The following ALMS1 variants were observed in gnomAD, a reference collection of about 807,000 sequenced individuals.
ALMS1 encodes ALMS1 centrosome and basal body associated protein, also known as centrosome-associated protein ALMS1.
ALMS1 carries 271 observed loss-of-function variants against 352.2 expected under a neutral mutation model. The observed-to-expected ratio is 0.77, with a 90% CI of 0.70 to 0.85. The LOEUF is 0.85. Among genes scored for constraint, ALMS1 ranks in the 40% least tolerant of loss-of-function variants. ALMS1 has a pLI of 0.00. For missense variants in ALMS1, 5,445 were observed against 4,870.7 expected, an observed-to-expected ratio of 1.12 and a Z score of -3.51; for synonymous variants, 1,865 against 1,761.2, an observed-to-expected ratio of 1.06 and a Z score of -1.48.
At chr2:73,404,218 G>T (rs905009748) in intron 1 of ALMS1, among the ~76,000 whole-genome samples, 9 of 152,098 alleles carry the variant, frequency 5.9e-5, no homozygotes, top group African/African-American at 2.2e-4. Flanking sequence ...TAACAGTGTC[G>T]ATTTTAGTCT....
rs1209785116 is a variant in ALMS1, at chr2:73,450,816, C to T, written c.4289C>T (p.Ser1430Leu). The part of the protein sequence containing the change: ...GIPTLPSTFY[S>L]HTEKPGSFYQ... ...CCAACTTTACCCTCTACTTTCTACTCACACACAGAGAAGCCTGGTAGTTTC... is the reference window on the plus strand; with the variant it reads ...CCAACTTTACCCTCTACTTTCTACTTACACACAGAGAAGCCTGGTAGTTTC... The change falls in exon 8 of 23, where the codon TCA (serine) becomes TTA (leucine). Residue 1430 changes from serine to leucine, a missense_variant. Coordinates refer to ENST00000613296, the MANE Select transcript of ALMS1 (RefSeq NM_001378454.1). 1.2e-6 allele frequency: 2 copies of T among 1,613,998 alleles called. No individual in the cohort carries two copies. Among genetic ancestry groups the T allele is most frequent in the South Asian group, 2.2e-5 (2 of 91,074 alleles).
At chr2:73,466,020 C>CT (rs58731182) in intron 9 of ALMS1, among the ~76,000 whole-genome samples, 5 of 151,424 alleles carry the variant, frequency 3.3e-5, no homozygotes, top group East Asian at 3.9e-4. Context: ...AATAGGAACA[C>CT]TTTACACTGT....
chr2:73,490,716 T>G lies in ALMS1; in HGVS notation c.8757T>G (p.Pro2919=). Residue 2919 remains proline (P), a synonymous_variant, in exon 10 of 23, where the codon CCT becomes CCG. Transcript: ENST00000613296. ...QHQDYVAPDL[P]SCIFLEQREL... ...AGGATTATGTAGCTCCAGACCTTCCTTCTTGCATTTTTCTTGAACAACGAG... is the reference window on the plus strand; with the variant it reads ...AGGATTATGTAGCTCCAGACCTTCCGTCTTGCATTTTTCTTGAACAACGAG... The G allele has an allele frequency of 1.2e-6, 2 of 1,614,176 alleles. No homozygotes were observed. The highest frequency in any genetic ancestry group is 3.3e-4 in the Middle Eastern group (2 of 6,062).
rs779496090 is a variant in ALMS1, at chr2:73,450,578, A to T, written c.4051A>T (p.Ser1351Cys). ...TTTCTACCAACAGGTCTTGCCACAT[A>T]GTCATCCAACTGAAGAGGCTCTGAA... ...GVFYQQVLPH[S>C]HPTEEALKIS... The change falls in exon 8 of 23, where the codon AGT becomes TGT. Residue 1351 changes from serine to cysteine, a missense_variant. Ser to Cys is a moderately radical substitution (Grantham distance 112). Coordinates refer to ENST00000613296, the MANE Select transcript of ALMS1 (RefSeq NM_001378454.1). The T allele has an allele frequency of 1.2e-6, 2 of 1,612,078 alleles. No individual in the cohort carries two copies. The highest frequency in any genetic ancestry group is 1.7e-6 in the Non-Finnish European group (2 of 1,179,608).
chr2:73,454,036 A>G lies in ALMS1; in HGVS notation c.7509A>G (p.Ala2503=). 3 of 1,612,832 alleles carry G rather than the reference A, an allele frequency of 1.9e-6. No homozygotes were observed. The South Asian group carries it at 3.3e-5, about 18-fold the overall frequency. Residue 2503 remains alanine (A), a synonymous_variant, in exon 8 of 23, where the codon GCA becomes GCG. Coordinates refer to ENST00000613296, the MANE Select transcript of ALMS1 (RefSeq NM_001378454.1). ...LNHAKEILRN[A]EEEESRVRAH... is the part of the protein sequence containing the mutation. ...ATGCTAAAGAAATACTCAGAAATGCAGAGGAAGAGGAAAGCCGGGTACGAG... is the reference window on the plus strand; with the variant it reads ...ATGCTAAAGAAATACTCAGAAATGCGGAGGAAGAGGAAAGCCGGGTACGAG...
intron 12 of ALMS1, among the ~76,000 whole-genome samples, chr2:73,549,659 C>T (rs1161133606): frequency 6.6e-6 from 1 of 152,182 alleles, no homozygotes; most frequent in African/African-American, 2.4e-5. Context: ...TCCATTTTCT[C>T]CTTCCTCCAA....
intron 1 of ALMS1, among the ~76,000 whole-genome samples, chr2:73,389,985 C>A (rs1444979643): frequency 6.6e-6 from 1 of 152,170 alleles, no homozygotes; most frequent in African/African-American, 2.4e-5. Context: ...CCGCGCCCGG[C>A]CTCTAATCGT....
At position 73,467,013 on chromosome 2, in the gene ALMS1, A is replaced by T. The variant is rs920466788; in HGVS notation, c.7674+11718A>T. The stretch of plus-strand genomic sequence containing the variant: ...CATACCTTACTACAAAATTAATTTG[A>T]GATGGATCATAGACTTTACTTTGAA... On this transcript the variant is annotated intron_variant, in intron 9 of 22. Transcript: ENST00000613296. Among the ~76,000 whole-genome samples, 20 of 152,260 alleles carry T rather than the reference A, an allele frequency of 1.3e-4. 1 individual carries two copies. Among genetic ancestry groups the T allele is most frequent in the African/African-American group, 4.8e-4 (20 of 41,542 alleles).
In ALMS1 at chr2:73,449,088, C is replaced by A; in HGVS notation, c.2561C>A (p.Thr854Asn). Reference protein sequence around the residue: ...ADGKTGTPAVTSTSSASSSLG... With the variant: ...ADGKTGTPAVNSTSSASSSLG... ...GGAAAGACTGGGACACCAGCTGTAACCTCTACTTCCTCTGCGTCCTCTTCA... is the reference window on the plus strand; with the variant it reads ...GGAAAGACTGGGACACCAGCTGTAAACTCTACTTCCTCTGCGTCCTCTTCA... The change falls in exon 8 of 23, where the codon ACC (threonine) becomes AAC (asparagine). Residue 854 changes from threonine to asparagine, a missense_variant. Physicochemically the swap from Thr to Asn is moderately conservative, Grantham distance 65 (BLOSUM62 0). Coordinates refer to ENST00000613296, the MANE Select transcript of ALMS1 (RefSeq NM_001378454.1). 2 of 1,614,082 alleles carry A rather than the reference C, an allele frequency of 1.2e-6. No individual in the cohort carries two copies. Among genetic ancestry groups the A allele is most frequent in the Non-Finnish European group, 1.7e-6 (2 of 1,179,992 alleles).
At chr2:73,465,513 T>G (rs1254458453) in intron 9 of ALMS1, among the ~76,000 whole-genome samples, 2 of 152,222 alleles carry the variant, frequency 1.3e-5, no homozygotes, top group Non-Finnish European at 1.5e-5. Flanking sequence ...ACTTACATGT[T>G]AGTCCGAAAA....
rs1330644724 is a variant in ALMS1 at position 73,563,271 on chromosome 2, T to G, written c.10384+4129T>G. On this transcript the variant is annotated intron_variant, in intron 15 of 22. Coordinates refer to ENST00000613296, the MANE Select transcript of ALMS1 (RefSeq NM_001378454.1). The stretch of plus-strand genomic sequence containing the variant: ...TAGATGAGGTTAAATTCACCAAAAG[T>G]TTTGCAGGAATTGAAGAGGTATATT... Among the ~76,000 whole-genome samples the G allele has an allele frequency of 2.0e-5, 3 of 152,020 alleles. No individual in the cohort carries two copies. The East Asian group carries it at 5.8e-4, about 29-fold the overall frequency.
chr2:73,437,014 T>C, intron 7 of ALMS1, among the ~76,000 whole-genome samples: 1 of 152,224 alleles, frequency 6.6e-6, no homozygotes, highest in Non-Finnish European at 1.5e-5. Context: ...TATTGATCCC[T>C]TCTCTGGGCT....
In ALMS1 at chr2:73,399,083, C is replaced by T. The variant is rs555652624; in HGVS notation, c.325-9539C>T. On this transcript the variant is annotated intron_variant, in intron 1 of 22. Coordinates refer to ENST00000613296, the MANE Select transcript of ALMS1 (RefSeq NM_001378454.1). ...GGCCAGGCTGGTCTCAAACTCCTGA[C>T]CTTGTGATCTGCCCTTCTCAGCCTC... 8.5e-5 allele frequency among the ~76,000 whole-genome samples: 13 copies of T among 152,174 alleles called. No homozygotes were observed. In the South Asian group the frequency reaches 2.7e-3, roughly 32 times the overall value.
intron 7 of ALMS1, among the ~76,000 whole-genome samples, chr2:73,443,248 C>T (rs1330865181): frequency 6.6e-6 from 1 of 152,128 alleles, no homozygotes; most frequent in African/African-American, 2.4e-5. Flanking sequence ...AGTAGAAGGT[C>T]CCTGCTTACC....
At position 73,543,685 on chromosome 2, in the gene ALMS1, C is replaced by A. The variant is rs1674244075; in HGVS notation, c.9908-6582C>A. On this transcript the variant is annotated intron_variant, in intron 12 of 22. Transcript: ENST00000613296. Reference sequence around the variant, plus strand: ...AAATATACAAGAAAGAAACAAACAACCCCATCAACAAGTGGGCGAAGGATA... The same window carrying A: ...AAATATACAAGAAAGAAACAAACAAACCCATCAACAAGTGGGCGAAGGATA... 1.3e-5 allele frequency among the ~76,000 whole-genome samples: 2 copies of A among 152,130 alleles called. 1 individual carries two copies. The highest frequency in any genetic ancestry group is 4.1e-4 in the South Asian group (2 of 4,826).
intron 16 of ALMS1, among the ~76,000 whole-genome samples, chr2:73,589,494 TTC>T (rs1339545332): frequency 6.6e-6 from 1 of 152,216 alleles, no homozygotes; most frequent in African/African-American, 2.4e-5. Context: ...CCATCCTCAT[TTC>T]TGTCTCCCCA....
rs1319988444 is a variant in ALMS1, at chr2:73,572,641, A to G, written c.10764A>G (p.Pro3588=). The G allele has an allele frequency of 1.9e-6, 3 of 1,613,982 alleles. No individual in the cohort carries two copies. The highest frequency in any genetic ancestry group is 1.1e-5 in the South Asian group (1 of 91,076). The change falls in exon 16 of 23, where the codon CCA becomes CCG. Residue 3588 remains proline (P), a synonymous_variant. Transcript: ENST00000613296. ...SDPQRDQKVT[P]EQTTQHTVSL... is the part of the protein sequence containing the mutation. The stretch of plus-strand genomic sequence containing the variant: ...CACAAAGGGATCAGAAGGTCACCCC[A>G]GAGCAAACAACTCAGCACACTGTGA...
At chr2:73,534,168 CAAAT>C (rs1673979187) in intron 11 of ALMS1, among the ~76,000 whole-genome samples, 2 of 151,948 alleles carry the variant, frequency 1.3e-5, no homozygotes, top group East Asian at 1.9e-4. Flanking sequence ...ACTTTGTAAA[CAAAT>C]AAAAAACAGG....
intron 22 of ALMS1, 122 bp downstream of exon 22, chr2:73,608,696 G>T: frequency 1.3e-6 from 1 of 781,608 alleles, no homozygotes. Flanking sequence ...AATGAACTTA[G>T]AATGCACTGG....
Sources: gnomAD v4.1 joint callset for allele counts (sites outside exome capture counted in the v4.1 genomes callset) on GRCh38, gnomAD v4.1.1 for gene constraint, MANE v1.5 for transcripts, NCBI Gene and HGNC (gene_info 2026-07-23, HGNC 2026-07-21) for gene names.